The following STRN3 variants were observed in gnomAD, a reference collection of about 807,000 sequenced individuals.
The protein encoded by STRN3 is striatin-3.
In STRN3, 29 loss-of-function variants were observed where a neutral mutation model predicts 95.6. The ratio of observed to expected loss-of-function variants is 0.30; its 90% confidence interval spans 0.23 to 0.41. STRN3 has a LOEUF of 0.41. Among genes scored for constraint, STRN3 ranks in the 10% least tolerant of loss-of-function variants. The pLI, the probability that STRN3 is intolerant of heterozygous loss-of-function variation, is 1.00. For synonymous variants in STRN3, 331 were observed against 357.6 expected (o/e 0.93, Z 0.84); for missense variants, 890 against 972.1 (o/e 0.92, Z 1.12).
chr14:30,988,840 T>C (rs189797399), intron 1 of STRN3, among the ~76,000 whole-genome samples: 66 of 152,348 alleles, frequency 4.3e-4, no homozygotes, highest in African/African-American at 1.5e-3. Flanking sequence ...CCAACTTTTG[T>C]TCACACTATT....
intron 1 of STRN3, among the ~76,000 whole-genome samples, chr14:30,992,201 A>C (rs575748035): frequency 1.3e-5 from 2 of 152,110 alleles, no homozygotes; most frequent in Non-Finnish European, 2.9e-5. Flanking sequence ...CCTGAGGCTC[A>C]GGAGTTCAAG....
intron 1 of STRN3, among the ~76,000 whole-genome samples, chr14:31,011,503 C>T (rs371052621): frequency 1.3e-5 from 2 of 152,044 alleles, no homozygotes; most frequent in Non-Finnish European, 1.5e-5. Flanking sequence ...ATTAACAGGG[C>T]GTGGTGGCAC....
At chr14:31,010,591 CT>C (rs1882926386) in intron 1 of STRN3, among the ~76,000 whole-genome samples, 1 of 151,824 alleles carries the variant, frequency 6.6e-6, no homozygotes, top group Non-Finnish European at 1.5e-5. Context: ...TTTCAACGTA[CT>C]TTTTTCATAT....
chr14:30,977,646 A>G (rs1303524937), intron 1 of STRN3, among the ~76,000 whole-genome samples: 1 of 150,320 alleles, frequency 6.7e-6, no homozygotes, highest in African/African-American at 2.4e-5. Flanking sequence ...AAAAAAAATT[A>G]GCCAGGTGTG....
At chr14:31,018,932 G>A (rs1047355468) in intron 1 of STRN3, 1 of 254,576 alleles carries the variant, frequency 3.9e-6, no homozygotes, top group African/African-American at 2.3e-5. Flanking sequence ...AGACCAGACT[G>A]GCCAATATGG....
intron 15 of STRN3, among the ~76,000 whole-genome samples, chr14:30,903,154 G>T (rs1461153301): frequency 2.0e-5 from 3 of 151,802 alleles, no homozygotes; most frequent in Non-Finnish European, 4.4e-5. Context: ...AGAGAACAGA[G>T]AAATATCAAA....
intron 1 of STRN3, among the ~76,000 whole-genome samples, chr14:30,989,433 CA>C (rs747650873): frequency 3.9e-5 from 6 of 152,072 alleles, no homozygotes; most frequent in Non-Finnish European, 7.4e-5. Context: ...ACAGCAGCAA[CA>C]AAACAGTCAT....
chr14:31,015,525 TC>T (rs1004473683), intron 1 of STRN3, among the ~76,000 whole-genome samples: 1 of 151,804 alleles, frequency 6.6e-6, no homozygotes, highest in African/African-American at 2.4e-5. Flanking sequence ...GCATGCACCA[TC>T]ACACCGAGCT....
Position 30,911,097 on chromosome 14 carries a change from G to C in STRN3, c.1664C>G (p.Ala555Gly), listed in dbSNP as rs1202974932. 3.1e-6 allele frequency: 5 copies of C among 1,613,964 alleles called. No individual in the cohort carries two copies. The highest frequency in any genetic ancestry group is 4.2e-6 in the Non-Finnish European group (5 of 1,179,994). The change falls in exon 13 of 18, where the codon GCA (alanine) becomes GGA (glycine). Residue 555 changes from alanine (A) to glycine (G), a missense_variant. Physicochemically the swap from Ala to Gly is moderately conservative, Grantham distance 60 (BLOSUM62 0). Coordinates refer to ENST00000357479, the MANE Select transcript of STRN3 (RefSeq NM_001083893.2). ...GEQCFSGGID[A>G]TIQWWNMPSP... The stretch of plus-strand genomic sequence containing the variant: ...CGGCATATTCCACCACTGGATGGTT[G>C]CATCAATACCACCACTAAAACACTG...
chr14:30,971,694 C>T (rs1296486518), intron 1 of STRN3, among the ~76,000 whole-genome samples: 1 of 152,170 alleles, frequency 6.6e-6, no homozygotes, highest in Non-Finnish European at 1.5e-5. Flanking sequence ...AACAAAAGCA[C>T]TGCAAGGTCT....
At chr14:30,945,195 T>A (rs1250310341) in intron 5 of STRN3, among the ~76,000 whole-genome samples, 3 of 152,156 alleles carry the variant, frequency 2.0e-5, no homozygotes, top group Non-Finnish European at 4.4e-5. Context: ...GAAATCAGAA[T>A]CCTTTTAGTA....
intron 5 of STRN3, among the ~76,000 whole-genome samples, chr14:30,938,507 T>C (rs1878936795): frequency 6.6e-6 from 1 of 152,180 alleles, no homozygotes; most frequent in Non-Finnish European, 1.5e-5. Context: ...GAAATTTCTG[T>C]CTCTAAAGTA....
At chr14:31,007,893 G>A (rs181278192) in intron 1 of STRN3, among the ~76,000 whole-genome samples, 5 of 152,100 alleles carry the variant, frequency 3.3e-5, no homozygotes, top group Admixed American at 1.3e-4. Context: ...CCCTGTCTCC[G>A]AAGTAAATAA....
rs1896114297 is a variant in STRN3 at position 30,895,397 on chromosome 14, A to T, written c.*14T>A. ...GTCCAAGCAAATCTTGTTACGATGCAAGTTTTTGTTGATTCATACAAATAC... is the reference window on the plus strand; with the variant it reads ...GTCCAAGCAAATCTTGTTACGATGCTAGTTTTTGTTGATTCATACAAATAC... On this transcript the variant is annotated 3_prime_UTR_variant, in exon 18 of 18. Coordinates refer to ENST00000357479, the MANE Select transcript of STRN3 (RefSeq NM_001083893.2). 6.3e-7 allele frequency: 1 copy of T among 1,587,300 alleles called. No individual in the cohort carries two copies.
chr14:30,963,198 T>C (rs2139168188), intron 1 of STRN3, among the ~76,000 whole-genome samples: 1 of 152,220 alleles, frequency 6.6e-6, no homozygotes, highest in East Asian at 1.9e-4. Context: ...CAGACAACAG[T>C]AGTTGGAGAT....
At chr14:31,010,298 T>A (rs1190572325) in intron 1 of STRN3, among the ~76,000 whole-genome samples, 2 of 151,790 alleles carry the variant, frequency 1.3e-5, no homozygotes, top group Admixed American at 1.3e-4. Flanking sequence ...GTTACATATG[T>A]ATACATGTGC....
intron 7 of STRN3, among the ~76,000 whole-genome samples, chr14:30,930,973 G>C (rs1878505902): frequency 6.6e-6 from 1 of 152,052 alleles, no homozygotes; most frequent in Non-Finnish European, 1.5e-5. Flanking sequence ...TAGGAAATTA[G>C]ATAGAACAGA....
intron 1 of STRN3, among the ~76,000 whole-genome samples, chr14:30,966,810 G>A (rs1372425557): frequency 6.6e-6 from 1 of 152,122 alleles, no homozygotes; most frequent in African/African-American, 2.4e-5. Context: ...ATGGCTTAGA[G>A]CAAATCCTGC....
chr14:31,006,732 T>C lies in STRN3; in HGVS notation c.282+19172A>G, dbSNP rs185873658. Among the ~76,000 whole-genome samples the C allele has an allele frequency of 1.5e-4, 23 of 149,978 alleles. No individual in the cohort carries two copies. The East Asian group carries it at 4.5e-3, about 30-fold the overall frequency. ...AAGAAAAAGAAATTCAAATCACACA[T>C]ACAAAAAAAAAGGATCTAGAATCAG... is the stretch of plus-strand genomic sequence containing the variant. On this transcript the variant is annotated intron_variant, in intron 1 of 17. Coordinates refer to ENST00000357479, the MANE Select transcript of STRN3 (RefSeq NM_001083893.2).
Sources: gnomAD v4.1 joint callset for allele counts (sites outside exome capture counted in the v4.1 genomes callset) on GRCh38, gnomAD v4.1.1 for gene constraint, MANE v1.5 for transcripts, NCBI Gene and HGNC (gene_info 2026-07-23, HGNC 2026-07-21) for gene names.